The following ANKRD13C variants were observed in gnomAD, a reference collection of about 807,000 sequenced individuals.
ANKRD13C encodes the protein ankyrin repeat domain-containing protein 13C.
A neutral mutation model predicts 65.5 loss-of-function variants in ANKRD13C; 16 were observed. The ratio of observed to expected loss-of-function variants is 0.24; its 90% CI spans 0.17 to 0.37. ANKRD13C has a LOEUF of 0.37. ANKRD13C is among the 10% of genes least tolerant of loss of function. ANKRD13C has a pLI of 1.00. For missense variants in ANKRD13C, 503 were observed against 655.9 expected, an observed-to-expected ratio of 0.77 and a Z score of 2.55; for synonymous variants, 235 against 238.7, an observed-to-expected ratio of 0.98 and a Z score of 0.14.
intron 12 of ANKRD13C, among the ~76,000 whole-genome samples, chr1:70,265,267 A>G (rs1678565886): frequency 6.6e-6 from 1 of 152,180 alleles, no homozygotes; most frequent in South Asian, 2.1e-4. Flanking sequence ...GCAGCCAGAG[A>G]GGGAGGAAGA....
chr1:70,353,254 G>A (rs1682826574), intron 1 of ANKRD13C, among the ~76,000 whole-genome samples: 1 of 152,104 alleles, frequency 6.6e-6, no homozygotes, highest in South Asian at 2.1e-4. Context: ...AAAAAGAAAT[G>A]GTCAATATTG....
chr1:70,348,044 T>C lies in ANKRD13C; in HGVS notation c.430+5935A>G, dbSNP rs185199926. ...CATTTTAACCCTCTCCTGGTTAAAA[T>C]TGTTCACCAGTAGCTAAAATTTTTT... On this transcript the variant is annotated intron_variant, in intron 1 of 12. Coordinates refer to ENST00000370944, the MANE Select transcript of ANKRD13C (RefSeq NM_030816.5). Among the ~76,000 whole-genome samples, 6 of 152,334 alleles carry C rather than the reference T, an allele frequency of 3.9e-5. No homozygotes were observed. In the East Asian group the frequency reaches 9.6e-4, roughly 24 times the overall value.
chr1:70,327,784 G>C (rs745792728), intron 2 of ANKRD13C, among the ~76,000 whole-genome samples: 1 of 152,064 alleles, frequency 6.6e-6, no homozygotes, highest in Non-Finnish European at 1.5e-5. Flanking sequence ...ATAAATAAAG[G>C]CCAGGTGCAG....
chr1:70,313,998 A>G (rs1413321405), intron 4 of ANKRD13C, among the ~76,000 whole-genome samples: 1 of 151,914 alleles, frequency 6.6e-6, no homozygotes, highest in East Asian at 1.9e-4. Context: ...ATCAATAAAT[A>G]TTACACTTCC....
Position 70,324,918 on chromosome 1 carries a change from T to C in ANKRD13C, c.512A>G (p.Lys171Arg), listed in dbSNP as rs1349741262. ...GCTCCATCCCTGAGCATTTTTCACCTTGACTGGAGCATTGTGAGCCAAAAG... is the reference window on the plus strand; with the variant it reads ...GCTCCATCCCTGAGCATTTTTCACCCTGACTGGAGCATTGTGAGCCAAAAG... ...HLLLAHNAPV[K>R]VKNAQGWSPL... Residue 171 changes from lysine to arginine, a missense_variant, in exon 3 of 13, where the codon AAG becomes AGG. This residue lies in a region of ANKRD13C where 300 missense variants were observed against 478.3 expected (regional missense o/e 0.63). Coordinates refer to ENST00000370944, the MANE Select transcript of ANKRD13C (RefSeq NM_030816.5). 1.2e-5 allele frequency: 19 copies of C among 1,611,644 alleles called. No individual in the cohort carries two copies. Among genetic ancestry groups the C allele is most frequent in the East Asian group, 2.2e-5 (1 of 44,742 alleles).
intron 12 of ANKRD13C, 141 bp from the exon 13 acceptor site, chr1:70,262,988 T>C (rs933379283): frequency 2.9e-6 from 2 of 688,166 alleles, no homozygotes; most frequent in East Asian, 3.2e-5. Context: ...AATTCAAATA[T>C]ATGTAGTACT....
chr1:70,262,547 C>A lies in ANKRD13C; in HGVS notation c.*170G>T, dbSNP rs572676210. The A allele has an allele frequency of 1.6e-6, 1 of 615,718 alleles. No homozygotes were observed. Among genetic ancestry groups the A allele is most frequent in the African/African-American group, 1.9e-5 (1 of 53,982 alleles). The allele number at this position is 615,718 out of a possible 1,614,324, so 38.1% of individuals were successfully genotyped here. A position where few individuals can be genotyped will look rare whatever the true frequency, so the allele number is the denominator to read the frequency against. On this transcript the variant is annotated 3_prime_UTR_variant, in exon 13 of 13. Transcript: ENST00000370944. ...ACAAAAAATGGCACATCAGAAAACTCGCTGAAATTCTTATTAGAGGCCCAT... is the reference window on the plus strand; with the variant it reads ...ACAAAAAATGGCACATCAGAAAACTAGCTGAAATTCTTATTAGAGGCCCAT...
chr1:70,282,776 C>T lies in ANKRD13C; in HGVS notation c.1216-5932G>A, dbSNP rs6657635. Among the ~76,000 whole-genome samples, 554 of 152,238 alleles carry T rather than the reference C, an allele frequency of 3.6e-3. 5 individuals carry two copies. The highest frequency in any genetic ancestry group is 0.013 in the African/African-American group (532 of 41,518). On this transcript the variant is annotated intron_variant, in intron 9 of 12. Coordinates refer to ENST00000370944, the MANE Select transcript of ANKRD13C (RefSeq NM_030816.5). The stretch of plus-strand genomic sequence containing the variant: ...GAACCTTTAATTTTAGGGGAAACCG[C>T]TGGAAACGTTTAAGATTGCTGCTCC...
intron 2 of ANKRD13C, among the ~76,000 whole-genome samples, chr1:70,333,091 G>T (rs1681880770): frequency 6.6e-6 from 1 of 152,138 alleles, no homozygotes. Flanking sequence ...CATTAAAATA[G>T]ATTTTAGAGC....
rs188549112 is a variant in ANKRD13C at position 70,268,979 on chromosome 1, G to A, written c.1495+1877C>T. 4.9e-3 allele frequency among the ~76,000 whole-genome samples: 742 copies of A among 151,788 alleles called. 7 individuals are homozygous for A. The highest frequency in any genetic ancestry group is 0.017 in the African/African-American group (684 of 41,374). ...ATGTATACATGTGCCATGCTGGTGC[G>A]CTGCACCCACTAACTCGTCATCTAG... On this transcript the variant is annotated intron_variant, in intron 12 of 12. Transcript: ENST00000370944.
intron 4 of ANKRD13C, among the ~76,000 whole-genome samples, chr1:70,314,215 G>GA (rs201305373): frequency 0.021 from 3,200 of 150,492 alleles, 45 homozygotes; most frequent in Non-Finnish European, 0.031. Context: ...TAATATCTAT[G>GA]AAAAAAAAAT....
chr1:70,312,971 A>T (rs1680912630), intron 5 of ANKRD13C, among the ~76,000 whole-genome samples: 1 of 152,322 alleles, frequency 6.6e-6, no homozygotes, highest in East Asian at 1.9e-4. Context: ...TCAACCAAAC[A>T]GTATGTAAAG....
chr1:70,276,309 A>G (rs1487698808), intron 10 of ANKRD13C, among the ~76,000 whole-genome samples: 1 of 152,180 alleles, frequency 6.6e-6, no homozygotes, highest in African/African-American at 2.4e-5. Flanking sequence ...GTAGTCTAGC[A>G]TAGGTTGAAA....
At chr1:70,280,852 G>C (rs372468050) in intron 9 of ANKRD13C, among the ~76,000 whole-genome samples, 1 of 152,120 alleles carries the variant, frequency 6.6e-6, no homozygotes, top group Non-Finnish European at 1.5e-5. Context: ...TATTTAGGAA[G>C]CTATCTCAGT....
intron 9 of ANKRD13C, among the ~76,000 whole-genome samples, chr1:70,282,303 C>T (rs1269060739): frequency 6.6e-6 from 1 of 151,846 alleles, no homozygotes; most frequent in Non-Finnish European, 1.5e-5. Flanking sequence ...GATTTGCCCG[C>T]CTCAGCCTCC....
chr1:70,261,625 AT>A lies in ANKRD13C; in HGVS notation c.*1091del, dbSNP rs563468519. The A allele has an allele frequency of 6.6e-6, 1 of 152,458 alleles. No individual in the cohort carries two copies. The highest frequency in any genetic ancestry group is 1.5e-5 in the Non-Finnish European group (1 of 67,928). 9.4% of individuals were successfully genotyped at this position (152,458 alleles called of 1,614,324 possible). On this transcript the variant is annotated 3_prime_UTR_variant, in exon 13 of 13. Coordinates refer to ENST00000370944, the MANE Select transcript of ANKRD13C (RefSeq NM_030816.5). ...AATATTTTCCTGTGATTTAAAAAAA[AT>A]AATAGGAGTAATCAATCTTGTGTAT...
At chr1:70,307,451 A>G (rs1278618570) in intron 5 of ANKRD13C, among the ~76,000 whole-genome samples, 4 of 152,166 alleles carry the variant, frequency 2.6e-5, no homozygotes, top group Non-Finnish European at 5.9e-5. Flanking sequence ...TAAAATAAAA[A>G]AAATTTTAAA....
At chr1:70,275,863 AG>A (rs1679108817) in intron 10 of ANKRD13C, among the ~76,000 whole-genome samples, 1 of 147,396 alleles carries the variant, frequency 6.8e-6, no homozygotes, top group Non-Finnish European at 1.5e-5. Context: ...CGAGAGGCTG[AG>A]GTGAGAAAAT....
chr1:70,297,976 C>G (rs1367867474), intron 7 of ANKRD13C, among the ~76,000 whole-genome samples: 1 of 151,004 alleles, frequency 6.6e-6, no homozygotes, highest in African/African-American at 2.4e-5. Flanking sequence ...GGGCCTGGGA[C>G]AGTACCATTT....
Sources: gnomAD v4.1 joint callset for allele counts (sites outside exome capture counted in the v4.1 genomes callset) on GRCh38, gnomAD v4.1.1 for gene constraint, gnomAD v4.1.1 regional missense constraint, MANE v1.5 for transcripts, NCBI Gene and HGNC (gene_info 2026-07-23, HGNC 2026-07-21) for gene names.